NMU: variants seen among roughly 807,000 people sequenced by gnomAD.
NMU encodes neuromedin U, also known as neuromedin-U.
A neutral mutation model predicts 35.4 loss-of-function variants in NMU; 29 were observed. The ratio of observed to expected loss-of-function variants is 0.82; its 90% CI spans 0.61 to 1.12. The LOEUF (loss-of-function observed/expected upper bound fraction) is 1.12, where lower values mean the gene tolerates loss of function less well. Ranked by LOEUF, NMU falls within the 50% of genes most tolerant of loss-of-function variation. The pLI is 0.00. For synonymous variants in NMU, 78 were observed against 81.3 expected (o/e 0.96, Z 0.22); for missense variants, 199 against 206.2 (o/e 0.97, Z 0.21).
At position 55,616,378 on chromosome 4, in the gene NMU, T is replaced by C. The variant is rs572461128; in HGVS notation, c.179A>G (p.Asp60Gly). The C allele has an allele frequency of 5.0e-6, 8 of 1,611,368 alleles. No individual in the cohort carries two copies. The highest frequency in any genetic ancestry group is 4.0e-5 in the African/African-American group (3 of 75,008). Residue 60 changes from aspartate to glycine, a missense_variant, in exon 3 of 10, where the codon GAT becomes GGT. Transcript: ENST00000264218. ...QQLQLWNEID[D>G]TCSSFLSIDS... ...AATGGACAGAAAAGACGAACAAGTA[T>C]CATCTATCTGTAGAAAACAAAAATG...
rs9760077 is a variant in NMU, at chr4:55,595,613, G to A, written c.*5-202C>T. 4.2e-4 allele frequency among the ~76,000 whole-genome samples: 26 copies of A among 62,322 alleles called. No homozygotes were observed. In the Admixed American group the frequency reaches 4.8e-3, roughly 11 times the overall value. 40.9% of individuals were successfully genotyped at this position (62,322 alleles called of 152,430 possible). ...ACACAGACAGAAGAAATATATATAT[G>A]TGTGTGTGTGTATATATATATATAT... On this transcript the variant is annotated intron_variant, in intron 9 of 9. Transcript: ENST00000264218.
chr4:55,625,984 C>T (rs554578852), intron 2 of NMU, among the ~76,000 whole-genome samples: 52 of 152,212 alleles, frequency 3.4e-4, no homozygotes, highest in Non-Finnish European at 6.5e-4. Flanking sequence ...AATCTGTCCT[C>T]CACTTATGGA....
At chr4:55,634,327 G>T (rs189670574) in intron 1 of NMU, among the ~76,000 whole-genome samples, 2 of 152,110 alleles carry the variant, frequency 1.3e-5, no homozygotes, top group African/African-American at 4.8e-5. Context: ...GTCTGAAGGG[G>T]AATGAAGACA....
intron 3 of NMU, among the ~76,000 whole-genome samples, chr4:55,613,459 TACA>T (rs2110197837): frequency 6.6e-6 from 1 of 152,302 alleles, no homozygotes; most frequent in Non-Finnish European, 1.5e-5. Flanking sequence ...TAAATCTGAG[TACA>T]ACAATAGTTA....
intron 4 of NMU, among the ~76,000 whole-genome samples, chr4:55,608,216 TTTG>T (rs1380737353): frequency 1.1e-4 from 17 of 152,140 alleles, no homozygotes; most frequent in East Asian, 1.9e-4. Context: ...TAATTCCTTT[TTTG>T]TTGTTGTTCT....
chr4:55,602,994 C>T (rs1413428954), intron 7 of NMU, among the ~76,000 whole-genome samples: 1 of 151,914 alleles, frequency 6.6e-6, no homozygotes, highest in African/African-American at 2.4e-5. Context: ...GATCTGAACT[C>T]AACTTCTTTT....
intron 3 of NMU, 78 bp from the exon 4 acceptor site, chr4:55,609,257 T>C: frequency 2.7e-6 from 3 of 1,091,842 alleles, no homozygotes; most frequent in Non-Finnish European, 4.3e-6. Context: ...TACAAAATGT[T>C]AGGGGCATGA....
chr4:55,617,036 A>C (rs1269000865), intron 2 of NMU, among the ~76,000 whole-genome samples: 1 of 152,236 alleles, frequency 6.6e-6, no homozygotes, highest in South Asian at 2.1e-4. Flanking sequence ...GAAGTTAAGC[A>C]CTAAGCTGGA....
intron 7 of NMU, among the ~76,000 whole-genome samples, chr4:55,604,592 C>A (rs953790826): frequency 2.7e-5 from 4 of 146,942 alleles, no homozygotes; most frequent in African/African-American, 1.0e-4. Context: ...GAGTGCAGTG[C>A]AACCTCTGCC....
chr4:55,599,088 C>T lies in NMU; in HGVS notation c.*4+54G>A. The T allele has an allele frequency of 2.6e-6, 3 of 1,173,750 alleles. No individual in the cohort carries two copies. In the South Asian group the frequency reaches 3.8e-5, roughly 15 times the overall value. The allele number at this position is 1,173,750 out of a possible 1,614,324, so 72.7% of individuals were successfully genotyped here. On this transcript the variant is annotated intron_variant, in intron 9 of 9. Transcript: ENST00000264218. ...ACAGCAAATGTCAAACTGTGTTGAA[C>T]TGTGAAATGCATACTATTTTATTTA...
intron 2 of NMU, among the ~76,000 whole-genome samples, chr4:55,627,523 C>T (rs1462736339): frequency 6.6e-6 from 1 of 151,826 alleles, no homozygotes; most frequent in East Asian, 1.9e-4. Context: ...GAGAATGTCG[C>T]TCCAAATATA....
chr4:55,618,313 T>A (rs1356080658), intron 2 of NMU, among the ~76,000 whole-genome samples: 1 of 152,126 alleles, frequency 6.6e-6, no homozygotes, highest in Admixed American at 6.6e-5. Context: ...CAACTCGTCA[T>A]CTAGGTTTTA....
chr4:55,596,417 T>A (rs1481795320), intron 9 of NMU, among the ~76,000 whole-genome samples: 1 of 151,592 alleles, frequency 6.6e-6, no homozygotes, highest in Non-Finnish European at 1.5e-5. Context: ...CTGTTTCACA[T>A]TGTGAACACT....
At chr4:55,602,761 A>T (rs915265067) in intron 7 of NMU, among the ~76,000 whole-genome samples, 2 of 152,194 alleles carry the variant, frequency 1.3e-5, no homozygotes, top group African/African-American at 4.8e-5. Context: ...ACTGCCTAAG[A>T]TCTTACATTT....
At chr4:55,632,991 G>A (rs1353988115) in intron 1 of NMU, among the ~76,000 whole-genome samples, 57 of 129,988 alleles carry the variant, frequency 4.4e-4, no homozygotes, top group African/African-American at 1.2e-3. Context: ...AAAAGGAGAG[G>A]AAACAAAATT....
intron 3 of NMU, among the ~76,000 whole-genome samples, chr4:55,610,200 C>T (rs1188970614): frequency 2.0e-5 from 3 of 152,150 alleles, no homozygotes; most frequent in South Asian, 2.1e-4. Context: ...CAGGGGCTCA[C>T]GCCTGTAATG....
chr4:55,626,927 A>G (rs934167627), intron 2 of NMU, among the ~76,000 whole-genome samples: 7 of 152,306 alleles, frequency 4.6e-5, no homozygotes, highest in Admixed American at 1.3e-4. Context: ...ATGATTTTCT[A>G]CTAACTCTAT....
chr4:55,626,430 C>A (rs1342795288), intron 2 of NMU, among the ~76,000 whole-genome samples: 1 of 152,172 alleles, frequency 6.6e-6, no homozygotes, highest in Non-Finnish European at 1.5e-5. Flanking sequence ...AAAGGCTGGG[C>A]AGGGTGGCTC....
At chr4:55,616,597 C>T (rs1420447935) in intron 2 of NMU, among the ~76,000 whole-genome samples, 2 of 152,140 alleles carry the variant, frequency 1.3e-5, no homozygotes, top group South Asian at 2.1e-4. Context: ...GCAGGGTATA[C>T]GTCTCTAGTG....
Sources: gnomAD v4.1 joint callset for allele counts (sites outside exome capture counted in the v4.1 genomes callset) on GRCh38, gnomAD v4.1.1 for gene constraint, MANE v1.5 for transcripts, NCBI Gene and HGNC (gene_info 2026-07-23, HGNC 2026-07-21) for gene names.